DCP1A: variants seen among roughly 807,000 people sequenced by gnomAD.
DCP1A encodes the protein decapping mRNA 1A.
A neutral mutation model predicts 58.0 loss-of-function variants in DCP1A; 20 were observed. That is an observed-to-expected ratio of 0.34 (90% CI 0.24 to 0.50). DCP1A has a LOEUF of 0.50. DCP1A is among the 20% of genes least tolerant of loss of function. DCP1A has a pLI of 0.98. For missense variants in DCP1A, 613 were observed against 712.2 expected (o/e 0.86, Z 1.59); for synonymous variants, 285 against 275.1 (o/e 1.04, Z -0.36).
chr3:53,287,595 G>C lies in DCP1A; in HGVS notation c.1734C>G (p.Asp578Glu), dbSNP rs150159978. The change falls in exon 10 of 10, where the codon GAC becomes GAG. Residue 578 changes from aspartate (D) to glutamate (E), a missense_variant. Around this residue, in one of 3 missense-constraint regions of DCP1A, gnomAD observed 498 missense variants for 556.7 expected, o/e 0.89. Transcript: ENST00000610213. ...TCTGCTCCAGTCATAGGTTGTGGTT[G>C]TCTTTGTTCTTGGTCAGAACCTGCA... Reference protein sequence around the residue: ...VYLQVLTKNKDNHNL With the variant: ...VYLQVLTKNKENHNL 1.2e-6 allele frequency: 2 copies of C among 1,609,940 alleles called. No individual in the cohort carries two copies. Among genetic ancestry groups the C allele is most frequent in the East Asian group, 4.5e-5 (2 of 44,858 alleles).
Position 53,286,155 on chromosome 3 carries a change from T to C in DCP1A, c.*1425A>G, listed in dbSNP as rs1706626318. Reference sequence around the variant, plus strand: ...AGCTAGAAAAAAATAATCTATGGACTTATGATTGAGTTACCATTAAAGCTT... The same window carrying C: ...AGCTAGAAAAAAATAATCTATGGACCTATGATTGAGTTACCATTAAAGCTT... On this transcript the variant is annotated 3_prime_UTR_variant, in exon 10 of 10. Coordinates refer to ENST00000610213, the MANE Select transcript of DCP1A (RefSeq NM_018403.7). The C allele has an allele frequency of 6.6e-6, 1 of 152,230 alleles. No homozygotes were observed. The highest frequency in any genetic ancestry group is 2.4e-5 in the African/African-American group (1 of 41,458). The allele number at this position is 152,230 out of a possible 1,614,324, so 9.4% of individuals were successfully genotyped here.
chr3:53,332,196 C>T (rs2089018351), intron 3 of DCP1A, among the ~76,000 whole-genome samples: 1 of 152,204 alleles, frequency 6.6e-6, no homozygotes, highest in South Asian at 2.1e-4. Flanking sequence ...CTGGTCTCCA[C>T]ATGGAGAACT....
intron 3 of DCP1A, among the ~76,000 whole-genome samples, chr3:53,326,208 T>C (rs1313790615): frequency 2.6e-5 from 4 of 152,170 alleles, no homozygotes; most frequent in African/African-American, 9.7e-5. Flanking sequence ...CATTATAATC[T>C]CAGTACAGAA....
intron 6 of DCP1A, among the ~76,000 whole-genome samples, chr3:53,295,847 C>T (rs1366389342): frequency 6.6e-6 from 1 of 151,750 alleles, no homozygotes; most frequent in Non-Finnish European, 1.5e-5. Flanking sequence ...GCCCAAAAAG[C>T]ATTAAATTGA....
chr3:53,330,523 G>T (rs74663732), intron 3 of DCP1A, among the ~76,000 whole-genome samples: 1 of 125,558 alleles, frequency 8.0e-6, no homozygotes, highest in South Asian at 2.4e-4. Context: ...CCTTGTCTCA[G>T]AAAAAAAAAA....
intron 7 of DCP1A, 91 bp downstream of exon 7, chr3:53,291,978 A>C: frequency 2.9e-6 from 4 of 1,362,412 alleles, no homozygotes; most frequent in Non-Finnish European, 3.9e-6. Flanking sequence ...AAAAATTGTC[A>C]TGTCATGACA....
chr3:53,292,091 T>C lies in DCP1A; in HGVS notation c.1361A>G (p.Asn454Ser), dbSNP rs1445815307. The stretch of plus-strand genomic sequence containing the variant: ...TACCTGAAGGGGAGCAAGCACCATG[T>C]TGCTCAGGGAGGCTGAGGCCGCCAC... ...ARVAASASLS[N>S]MVLAPLQSMQ... is the part of the protein sequence containing the mutation. Residue 454 changes from asparagine (N) to serine (S), a missense_variant, in exon 7 of 10, where the codon AAC becomes AGC. Asn to Ser is a conservative substitution (Grantham distance 46, BLOSUM62 1). This residue lies in a region of DCP1A where 498 missense variants were observed against 556.7 expected (regional missense o/e 0.89). Coordinates refer to ENST00000610213, the MANE Select transcript of DCP1A (RefSeq NM_018403.7). 1 of 1,601,610 alleles carries C rather than the reference T, an allele frequency of 6.2e-7. No individual in the cohort carries two copies. The highest frequency in any genetic ancestry group is 8.5e-7 in the Non-Finnish European group (1 of 1,172,626).
intron 8 of DCP1A, among the ~76,000 whole-genome samples, chr3:53,288,791 C>T (rs1209237007): frequency 6.6e-6 from 1 of 152,148 alleles, no homozygotes; most frequent in Non-Finnish European, 1.5e-5. Flanking sequence ...AATCCCAGCA[C>T]TCTGGGAGGC....
intron 4 of DCP1A, among the ~76,000 whole-genome samples, chr3:53,317,904 C>T (rs1351417658): frequency 2.0e-5 from 3 of 151,878 alleles, no homozygotes; most frequent in Middle Eastern, 3.4e-3. Context: ...AGCAGGGGGC[C>T]GATAACTTCC....
At chr3:53,318,924 C>G (rs1707886791) in intron 4 of DCP1A, among the ~76,000 whole-genome samples, 1 of 152,172 alleles carries the variant, frequency 6.6e-6, no homozygotes. Context: ...ATCAGAGTTG[C>G]TGTATATGGT....
intron 6 of DCP1A, among the ~76,000 whole-genome samples, chr3:53,302,266 G>A (rs1707332422): frequency 6.6e-6 from 1 of 152,126 alleles, no homozygotes; most frequent in Admixed American, 6.5e-5. Context: ...TCTTACAACT[G>A]CATATAAATC....
At chr3:53,297,677 A>G (rs1482935683) in intron 6 of DCP1A, among the ~76,000 whole-genome samples, 3 of 152,214 alleles carry the variant, frequency 2.0e-5, no homozygotes. Flanking sequence ...TTATTAATGC[A>G]AATTAAACAG....
chr3:53,295,771 G>A (rs1342458569), intron 6 of DCP1A, among the ~76,000 whole-genome samples: 4 of 152,170 alleles, frequency 2.6e-5, no homozygotes, highest in African/African-American at 4.8e-5. Flanking sequence ...TCTGAAAAGC[G>A]AGGACATTGT....
intron 6 of DCP1A, among the ~76,000 whole-genome samples, chr3:53,299,883 C>T (rs1042274687): frequency 2.0e-5 from 3 of 152,028 alleles, no homozygotes; most frequent in African/African-American, 4.8e-5. Context: ...TTCCTCCCAC[C>T]CCGAGATGGA....
chr3:53,291,537 A>G lies in DCP1A; in HGVS notation c.1383+532T>C, dbSNP rs550607342. On this transcript the variant is annotated intron_variant, in intron 7 of 9. Coordinates refer to ENST00000610213, the MANE Select transcript of DCP1A (RefSeq NM_018403.7). ...TCTATTCTCTATCTCCATGAGTTCA[A>G]ATAAAGTAAGAACATGTGATATCTG... 2.0e-5 allele frequency among the ~76,000 whole-genome samples: 3 copies of G among 152,110 alleles called. No individual in the cohort carries two copies. The South Asian group carries it at 6.2e-4, about 32-fold the overall frequency.
chr3:53,314,917 C>A (rs1039933067), intron 4 of DCP1A, among the ~76,000 whole-genome samples: 2 of 151,914 alleles, frequency 1.3e-5, no homozygotes, highest in Non-Finnish European at 2.9e-5. Flanking sequence ...AGTGATCTGA[C>A]CACCTCAGCC....
intron 3 of DCP1A, 84 bp downstream of exon 3, chr3:53,342,060 T>G: frequency 8.0e-7 from 1 of 1,253,206 alleles, no homozygotes; most frequent in Non-Finnish European, 1.1e-6. Flanking sequence ...TTTTGTAATT[T>G]GAAACTTCCT....
chr3:53,334,125 G>C (rs1439452983), intron 3 of DCP1A, among the ~76,000 whole-genome samples: 1 of 152,060 alleles, frequency 6.6e-6, no homozygotes, highest in African/African-American at 2.4e-5. Context: ...TTAGCTGGGA[G>C]TGGTGGCGTG....
chr3:53,291,772 G>A (rs1706884920), intron 7 of DCP1A, among the ~76,000 whole-genome samples: 1 of 152,080 alleles, frequency 6.6e-6, no homozygotes, highest in African/African-American at 2.4e-5. Flanking sequence ...TGGGAGATAG[G>A]GAGTTAAGCT....
Sources: gnomAD v4.1 joint callset for allele counts (sites outside exome capture counted in the v4.1 genomes callset) on GRCh38, gnomAD v4.1.1 for gene constraint, gnomAD v4.1.1 regional missense constraint, MANE v1.5 for transcripts, NCBI Gene and HGNC (gene_info 2026-07-23, HGNC 2026-07-21) for gene names.